ING2: variants seen among roughly 807,000 people sequenced by gnomAD.
ING2 encodes inhibitor of growth protein 2.
In ING2, 7 loss-of-function variants were observed where a neutral mutation model predicts 30.6. That is an observed-to-expected ratio of 0.23 (90% CI 0.13 to 0.43). The LOEUF (loss-of-function observed/expected upper bound fraction) is 0.43. Ranked by LOEUF, ING2 falls within the 20% of genes least tolerant of loss-of-function variation. The pLI is 1.00. For synonymous variants in ING2, 136 were observed against 121.7 expected (o/e 1.12, Z -0.78); for missense variants, 239 against 334.9 (o/e 0.71, Z 2.24).
Position 183,505,077 on chromosome 4 carries a change from C to G in ING2, c.-119C>G, listed in dbSNP as rs1734599359. The G allele has an allele frequency of 4.1e-6, 4 of 968,810 alleles. No homozygotes were observed. The highest frequency in any genetic ancestry group is 3.5e-5 in the African/African-American group (2 of 57,062). 60.0% of individuals were successfully genotyped at this position (968,810 alleles called of 1,614,324 possible). A position where few individuals can be genotyped will look rare whatever the true frequency, so the allele number is the denominator to read the frequency against. On this transcript the variant is annotated 5_prime_UTR_variant, in exon 1 of 2. Transcript: ENST00000302327. The stretch of plus-strand genomic sequence containing the variant: ...ATCGGGGAGCGCGGCCGTGCCCTCT[C>G]GAGCGGCTGCGGGGTCCCCGCGGCG...
rs1734643497 is a variant in ING2 at position 183,506,252 on chromosome 4, C to T, written c.172+885C>T. The T allele has an allele frequency of 1.5e-6, 2 of 1,304,316 alleles. 1 individual carries two copies. The allele number at this position is 1,304,316 out of a possible 1,614,324, so 80.8% of individuals were successfully genotyped here. On this transcript the variant is annotated intron_variant, in intron 1 of 1. Transcript: ENST00000302327. ...GCATGTTTTGCGGTGATGTTTCCAACCTCTTTCCCAGTCAATGGATCAGGA... is the reference window on the plus strand; with the variant it reads ...GCATGTTTTGCGGTGATGTTTCCAATCTCTTTCCCAGTCAATGGATCAGGA...
At chr4:183,506,599 A>C (rs1579167687) in intron 1 of ING2, among the ~76,000 whole-genome samples, 1 of 152,218 alleles carries the variant, frequency 6.6e-6, no homozygotes, top group East Asian at 1.9e-4. Flanking sequence ...GTATGGAAAC[A>C]GCCATACGAA....
In ING2 at chr4:183,505,787, G is replaced by A. The variant is rs530844146; in HGVS notation, c.172+420G>A. 3.8e-3 allele frequency among the ~76,000 whole-genome samples: 583 copies of A among 152,114 alleles called. 7 individuals are homozygous for A. The highest frequency in any genetic ancestry group is 0.013 in the African/African-American group (554 of 41,532). On this transcript the variant is annotated intron_variant, in intron 1 of 1. Transcript: ENST00000302327. ...CGGGGCGCGCTTCCCCACCTCACTC[G>A]CCCCCACCCCGGAGTGCGGGTGCTT...
At chr4:183,506,464 G>C in intron 1 of ING2, 4 of 486,872 alleles carry the variant, frequency 8.2e-6, no homozygotes, top group Non-Finnish European at 1.5e-5. Flanking sequence ...CCGGGAACCC[G>C]GGACAGAATC....
intron 1 of ING2, chr4:183,506,443 T>C (rs1734651081): frequency 1.7e-6 from 1 of 601,694 alleles, no homozygotes; most frequent in South Asian, 1.5e-5. Flanking sequence ...AACCACCCTT[T>C]GCCGGCCGAC....
At chr4:183,505,867 T>G (rs1431643833) in intron 1 of ING2, among the ~76,000 whole-genome samples, 1 of 151,638 alleles carries the variant, frequency 6.6e-6, no homozygotes, top group African/African-American at 2.4e-5. Flanking sequence ...GAGGGGGCCT[T>G]CCTCCGCGCT....
Position 183,512,254 on chromosome 4 carries a change from C to CT in ING2, c.*1309dup, listed in dbSNP as rs1408711667. Among the ~76,000 whole-genome samples, 2 of 151,730 alleles carry CT rather than the reference C, an allele frequency of 1.3e-5. No homozygotes were observed. The highest frequency in any genetic ancestry group is 2.9e-5 in the Non-Finnish European group (2 of 67,934). On this transcript the variant is annotated 3_prime_UTR_variant, in exon 2 of 2. Coordinates refer to ENST00000302327, the MANE Select transcript of ING2 (RefSeq NM_001564.4). ...CTGCTTGTTTTGGGAAAAAAAAATG[C>CT]TTTTTTTCTCTTCTAGCTCTCCTGT...
At chr4:183,505,522 C>T (rs962760088) in intron 1 of ING2, among the ~76,000 whole-genome samples, 155 bp downstream of exon 1, 7 of 151,942 alleles carry the variant, frequency 4.6e-5, no homozygotes, top group Admixed American at 2.0e-4. Context: ...GGCGGCCCTC[C>T]GTGGCCCCGC....
At position 183,505,169 on chromosome 4, in the gene ING2, G is replaced by GCGGCGGCGA. The variant is rs775492293; in HGVS notation, c.-21_-13dup. 10 of 1,585,024 alleles carry GCGGCGGCGA rather than the reference G, an allele frequency of 6.3e-6. No homozygotes were observed. Among genetic ancestry groups the GCGGCGGCGA allele is most frequent in the Non-Finnish European group, 7.7e-6 (9 of 1,168,472 alleles). On this transcript the variant is annotated 5_prime_UTR_variant, in exon 1 of 2. Transcript: ENST00000302327. ...GCATGTGCGGCTGCTGGATGCGGAG[G>GCGGCGGCGA]CGGCGGCGACGGCGCGGATCGGCAG...
At chr4:183,505,829 A>G (rs1734623762) in intron 1 of ING2, among the ~76,000 whole-genome samples, 1 of 150,884 alleles carries the variant, frequency 6.6e-6, no homozygotes, top group Non-Finnish European at 1.5e-5. Context: ...GTGCGGGGGG[A>G]GGGGGCGAGA....
chr4:183,508,852 AATT>A lies in ING2; in HGVS notation c.173-1427_173-1425del, dbSNP rs138359699. On this transcript the variant is annotated intron_variant, in intron 1 of 1. Transcript: ENST00000302327. ...TAAGTAAATTTTTGGTGACATCTGA[AATT>A]ATATTTTCAGATTTTTGGATACCTT... Among the ~76,000 whole-genome samples the A allele has an allele frequency of 7.6e-3, 1,159 of 152,312 alleles. 5 individuals are homozygous for A. The highest frequency in any genetic ancestry group is 0.012 in the Non-Finnish European group (786 of 68,034).
chr4:183,509,288 C>T (rs1018686395), intron 1 of ING2, among the ~76,000 whole-genome samples: 14 of 152,150 alleles, frequency 9.2e-5, no homozygotes, highest in African/African-American at 3.1e-4. Flanking sequence ...GTAGCCTAGT[C>T]CTGTAACCTT....
chr4:183,505,231 G>A lies in ING2; in HGVS notation c.36G>A (p.Ser12=), dbSNP rs757060299. The change falls in exon 1 of 2, where the codon TCG becomes TCA. Residue 12 remains serine (S), a synonymous_variant. Coordinates refer to ENST00000302327, the MANE Select transcript of ING2 (RefSeq NM_001564.4). ...LGQQQQQLYS[S]AALLTGERSR... ...AGCAGCAGCAGCAACTGTACTCGTC[G>A]GCCGCGCTCCTGACCGGGGAGCGGA... The A allele has an allele frequency of 6.2e-7, 1 of 1,601,666 alleles. No individual in the cohort carries two copies. Among genetic ancestry groups the A allele is most frequent in the Non-Finnish European group, 8.5e-7 (1 of 1,175,294 alleles).
chr4:183,508,172 G>C (rs931857402), intron 1 of ING2, among the ~76,000 whole-genome samples: 8 of 151,876 alleles, frequency 5.3e-5, no homozygotes, highest in African/African-American at 1.9e-4. Context: ...GATTAACTGA[G>C]AAAATCTTTA....
Position 183,505,208 on chromosome 4 carries a change from C to G in ING2, c.13C>G (p.Gln5Glu), listed in dbSNP as rs763371219. Reference protein sequence around the residue: MLGQQQQQLYSSAAL... With the variant: MLGQEQQQLYSSAAL... ...GCGGATCGGCAGGATGTTAGGGCAG[C>G]AGCAGCAGCAACTGTACTCGTCGGC... The change falls in exon 1 of 2, where the codon CAG becomes GAG. Residue 5 changes from glutamine (Q) to glutamate (E), a missense_variant. Coordinates refer to ENST00000302327, the MANE Select transcript of ING2 (RefSeq NM_001564.4). The G allele has an allele frequency of 6.2e-7, 1 of 1,600,518 alleles. No individual in the cohort carries two copies. Among genetic ancestry groups the G allele is most frequent in the South Asian group, 1.1e-5 (1 of 89,652 alleles).
At position 183,511,883 on chromosome 4, in the gene ING2, G is replaced by T. The variant is rs1242979198; in HGVS notation, c.*931G>T. 6.6e-6 allele frequency among the ~76,000 whole-genome samples: 1 copy of T among 152,178 alleles called. No homozygotes were observed. The highest frequency in any genetic ancestry group is 2.4e-5 in the African/African-American group (1 of 41,450). ...TCAGAGAGTTGTTTTAAATGGTTTT[G>T]CTAGTGGTTATTGTTCATTTCTGTC... On this transcript the variant is annotated 3_prime_UTR_variant, in exon 2 of 2. Coordinates refer to ENST00000302327, the MANE Select transcript of ING2 (RefSeq NM_001564.4).
At position 183,505,375 on chromosome 4, in the gene ING2, C is replaced by G; in HGVS notation, c.172+8C>G. 1.1e-5 allele frequency: 17 copies of G among 1,518,928 alleles called. No individual in the cohort carries two copies. Among genetic ancestry groups the G allele is most frequent in the East Asian group, 2.7e-5 (1 of 37,434 alleles). The allele number at this position is 1,518,928 out of a possible 1,614,324, so 94.1% of individuals were successfully genotyped here. A position where few individuals can be genotyped will look rare whatever the true frequency, so the allele number is the denominator to read the frequency against. ...TGGACAACAAATATCAAGGTAGGAG[C>G]CGCGGGGCTGCCGGCCTCGGGAGCC... On this transcript the variant is annotated splice_region_variant and intron_variant, in intron 1 of 1. Coordinates refer to ENST00000302327, the MANE Select transcript of ING2 (RefSeq NM_001564.4).
In ING2 at chr4:183,505,265, C is replaced by G; in HGVS notation, c.70C>G (p.Leu24Val). The change falls in exon 1 of 2, where the codon CTC becomes GTC. Residue 24 changes from leucine to valine, a missense_variant. Physicochemically the swap from Leu to Val is conservative, Grantham distance 32. This residue lies in a region of ING2 where 80 missense variants were observed against 102.4 expected (regional missense o/e 0.78). Transcript: ENST00000302327. ...ALLTGERSRL[L>V]TCYVQDYLEC... ...CCTGACCGGGGAGCGGAGCCGGCTG[C>G]TCACCTGCTACGTGCAGGACTACCT... 1 of 1,590,996 alleles carries G rather than the reference C, an allele frequency of 6.3e-7. No individual in the cohort carries two copies. Among genetic ancestry groups the G allele is most frequent in the South Asian group, 1.1e-5 (1 of 87,792 alleles).
chr4:183,512,147 CTG>C lies in ING2; in HGVS notation c.*1201_*1202del, dbSNP rs1331018196. The stretch of plus-strand genomic sequence containing the variant: ...CAGCAGATTGACTAGTTCTTTAAAT[CTG>C]TGTGTAACGTATGTTTTATTCCTCA... On this transcript the variant is annotated 3_prime_UTR_variant, in exon 2 of 2. Transcript: ENST00000302327. Among the ~76,000 whole-genome samples, 1 of 152,074 alleles carries C rather than the reference CTG, an allele frequency of 6.6e-6. No homozygotes were observed. The highest frequency in any genetic ancestry group is 1.5e-5 in the Non-Finnish European group (1 of 68,022).
Sources: gnomAD v4.1 joint callset for allele counts (sites outside exome capture counted in the v4.1 genomes callset) on GRCh38, gnomAD v4.1.1 for gene constraint, gnomAD v4.1.1 regional missense constraint, MANE v1.5 for transcripts, NCBI Gene and HGNC (gene_info 2026-07-23, HGNC 2026-07-21) for gene names.